The following RERE variants were observed in gnomAD, a reference collection of about 807,000 sequenced individuals.
RERE encodes the protein arginine-glutamic acid dipeptide repeats protein.
A neutral mutation model predicts 146.1 loss-of-function variants in RERE; 40 were observed. The ratio of observed to expected loss-of-function variants is 0.27; its 90% CI spans 0.21 to 0.36. The LOEUF (loss-of-function observed/expected upper bound fraction) is 0.36, where lower values mean the gene tolerates loss of function less well. Ranked by LOEUF, RERE falls within the 10% of genes least tolerant of loss-of-function variation. The pLI, the probability that RERE is intolerant of heterozygous loss-of-function variation, is 1.00. For synonymous variants in RERE, 1,003 were observed against 866.0 expected (o/e 1.16, Z -2.78); for missense variants, 1,933 against 2,138.7 (o/e 0.90, Z 1.90).
Position 8,360,797 on chromosome 1 carries a change from G to A in RERE, c.2710C>T (p.Gln904Ter). The A allele has an allele frequency of 6.3e-7, 1 of 1,583,142 alleles. No individual in the cohort carries two copies. Among genetic ancestry groups the A allele is most frequent in the Non-Finnish European group, 8.5e-7 (1 of 1,170,158 alleles). Residue 904 changes from glutamine to a stop codon, truncating the protein, a stop_gained, in exon 18 of 23, where the codon CAG becomes TAG. Transcript: ENST00000400908. LOFTEE classifies it high-confidence loss of function. The part of the protein sequence containing the change: ...PHTSLQLPAS[Q>*]SALQSQQPPR... ...GGCTGTTGGGACTGCAGCGCTGACT[G>A]AGAGGCTGGCAGCTGCAGGGAGGTG...
At chr1:8,376,754 A>C (rs976985923) in intron 12 of RERE, among the ~76,000 whole-genome samples, 25 of 152,260 alleles carry the variant, frequency 1.6e-4, no homozygotes, top group Non-Finnish European at 3.5e-4. Context: ...GGCTCTGCCC[A>C]AAAAAAGATG....
intron 22 of RERE, 71 bp from the exon 23 acceptor site, chr1:8,355,191 C>T (rs546818209): frequency 6.4e-5 from 96 of 1,511,714 alleles, no homozygotes; most frequent in Non-Finnish European, 8.6e-5. Context: ...CTGGAGGCAA[C>T]CCCAAAGACA....
intron 4 of RERE, among the ~76,000 whole-genome samples, chr1:8,607,100 A>G (rs1646722658): frequency 6.6e-6 from 1 of 152,154 alleles, no homozygotes; most frequent in Non-Finnish European, 1.5e-5. Flanking sequence ...GTGGCTCACA[A>G]TTGTAACCCT....
chr1:8,404,445 G>A (rs1219571679), intron 12 of RERE, among the ~76,000 whole-genome samples: 1 of 151,642 alleles, frequency 6.6e-6, no homozygotes, highest in African/African-American at 2.4e-5. Context: ...ACAAAAAAAA[G>A]AGATGGAGTC....
intron 6 of RERE, among the ~76,000 whole-genome samples, chr1:8,548,521 A>G (rs983096457): frequency 6.6e-6 from 1 of 152,244 alleles, no homozygotes; most frequent in Non-Finnish European, 1.5e-5. Context: ...TAAGACCGAA[A>G]ACAAAAAGAG....
intron 15 of RERE, among the ~76,000 whole-genome samples, chr1:8,363,251 G>C (rs964416837): frequency 6.6e-6 from 1 of 152,218 alleles, no homozygotes; most frequent in Non-Finnish European, 1.5e-5. Context: ...TCAAACACTT[G>C]TGGATTTAAT....
chr1:8,446,173 A>G (rs1470852919), intron 11 of RERE, among the ~76,000 whole-genome samples: 4 of 152,204 alleles, frequency 2.6e-5, no homozygotes, highest in African/African-American at 9.6e-5. Flanking sequence ...TCTTTTAAGA[A>G]TGTTGAATAT....
chr1:8,709,199 C>T (rs945826043), intron 1 of RERE, among the ~76,000 whole-genome samples: 1 of 151,770 alleles, frequency 6.6e-6, no homozygotes, highest in African/African-American at 2.4e-5. Context: ...GGATTACAGG[C>T]GTGAGCCACC....
chr1:8,362,555 G>T, intron 16 of RERE, 128 bp downstream of exon 16: 1 of 1,246,352 alleles, frequency 8.0e-7, no homozygotes, highest in Non-Finnish European at 1.1e-6. Flanking sequence ...GGACAATGCT[G>T]GTGTCCAGAC....
At chr1:8,390,688 A>C (rs958191900) in intron 12 of RERE, among the ~76,000 whole-genome samples, 4 of 152,202 alleles carry the variant, frequency 2.6e-5, no homozygotes, top group African/African-American at 9.7e-5. Context: ...ATCCAGTTAA[A>C]AACTATGTAC....
intron 12 of RERE, among the ~76,000 whole-genome samples, chr1:8,395,693 T>A (rs1159407771): frequency 6.6e-6 from 1 of 152,158 alleles, no homozygotes; most frequent in Non-Finnish European, 1.5e-5. Context: ...AACAGGTTAA[T>A]TTCCTAAATT....
chr1:8,353,699 T>C lies in RERE; in HGVS notation c.*1388A>G, dbSNP rs1032511837. 1.3e-5 allele frequency: 2 copies of C among 152,260 alleles called. No individual in the cohort carries two copies. Among genetic ancestry groups the C allele is most frequent in the African/African-American group, 4.8e-5 (2 of 41,466 alleles). The allele number at this position is 152,260 out of a possible 1,614,324, so 9.4% of individuals were successfully genotyped here. A position where few individuals can be genotyped will look rare whatever the true frequency, so the allele number is the denominator to read the frequency against. Reference sequence around the variant, plus strand: ...CCTGAGAAGCAGCCCCCACACAGCATGCTTTCTGAATGCACTGTGGGTGGG... The same window carrying C: ...CCTGAGAAGCAGCCCCCACACAGCACGCTTTCTGAATGCACTGTGGGTGGG... On this transcript the variant is annotated 3_prime_UTR_variant, in exon 23 of 23. Transcript: ENST00000400908.
intron 2 of RERE, among the ~76,000 whole-genome samples, chr1:8,650,895 CA>C (rs35561280): frequency 6.9e-6 from 1 of 144,884 alleles, no homozygotes; most frequent in Non-Finnish European, 1.5e-5. Context: ...GACTCCATCT[CA>C]AAAAAAAATA....
chr1:8,583,425 G>A (rs914190159), intron 4 of RERE, among the ~76,000 whole-genome samples: 5 of 152,202 alleles, frequency 3.3e-5, no homozygotes, highest in Non-Finnish European at 5.9e-5. Flanking sequence ...ATACAGCTAA[G>A]ATCAGGAGGA....
At chr1:8,649,003 A>G (rs549903652) in intron 2 of RERE, among the ~76,000 whole-genome samples, 55 of 152,044 alleles carry the variant, frequency 3.6e-4, no homozygotes, top group South Asian at 6.2e-4. Context: ...ATATGAAGTT[A>G]GTTTTTTAAC....
Position 8,358,305 on chromosome 1 carries a change from G to C in RERE, c.4230C>G (p.Thr1410=). The change falls in exon 20 of 23, where the codon ACC becomes ACG. Residue 1410 remains threonine (T), a synonymous_variant. Transcript: ENST00000400908. The part of the protein sequence containing the change: ...RIHAERMASL[T]SDPLARLQMF... ...TCTGCAGTCGGGCCAGGGGATCGCT[G>C]GTCAGCGATGCCATGCGCTCTGCGT... The C allele has an allele frequency of 1.2e-6, 2 of 1,613,632 alleles. No individual in the cohort carries two copies. The highest frequency in any genetic ancestry group is 1.7e-6 in the Non-Finnish European group (2 of 1,179,730).
At chr1:8,786,960 TCTAA>T (rs1255762609) in intron 1 of RERE, 4 of 656,310 alleles carry the variant, frequency 6.1e-6, no homozygotes, top group Non-Finnish European at 1.1e-5. Context: ...AAGATCGCAG[TCTAA>T]CTTTCACACA....
intron 10 of RERE, among the ~76,000 whole-genome samples, chr1:8,485,437 C>T (rs1372912416): frequency 2.0e-5 from 3 of 151,840 alleles, no homozygotes; most frequent in Admixed American, 6.6e-5. Flanking sequence ...CTCAACACTC[C>T]AAACAAAAGG....
At chr1:8,379,809 C>T (rs945504777) in intron 12 of RERE, among the ~76,000 whole-genome samples, 3 of 152,200 alleles carry the variant, frequency 2.0e-5, no homozygotes, top group Non-Finnish European at 4.4e-5. Flanking sequence ...GCCAGGAGCT[C>T]CCTTTTCCAT....
Sources: allele counts gnomAD v4.1 joint callset (sites outside exome capture counted in the v4.1 genomes callset), GRCh38; gene constraint gnomAD v4.1.1; transcripts MANE v1.5; gene names NCBI Gene and HGNC (gene_info 2026-07-23, HGNC 2026-07-21).